Variants in TRIP11 observed in about 807,000 individuals in gnomAD.
TRIP11 encodes the protein thyroid hormone receptor interactor 11, also known as thyroid receptor-interacting protein 11.
Under a neutral mutation model 223.1 loss-of-function variants are expected in TRIP11, and 148 were observed. That is an observed-to-expected ratio of 0.66 (90% CI 0.58 to 0.76). The LOEUF (loss-of-function observed/expected upper bound fraction) is 0.76. Among genes scored for constraint, TRIP11 ranks in the 30% least tolerant of loss-of-function variants. The probability of loss-of-function intolerance (pLI) is 0.00; values close to 1 mark genes in which losing one functional copy is unlikely to be tolerated. For synonymous variants in TRIP11, 762 were observed against 772.6 expected (o/e 0.99, Z 0.23); for missense variants, 2,043 against 2,222.0 (o/e 0.92, Z 1.62).
At chr14:92,025,599 C>T (rs545342106) in intron 2 of TRIP11, among the ~76,000 whole-genome samples, 179 bp from the exon 3 acceptor site, 3 of 151,652 alleles carry the variant, frequency 2.0e-5, no homozygotes, top group Admixed American at 6.6e-5. Flanking sequence ...AATGCACTGA[C>T]CAGCCGGGCA....
intron 2 of TRIP11, chr14:92,026,889 C>G: frequency 2.0e-6 from 3 of 1,503,160 alleles, no homozygotes; most frequent in Non-Finnish European, 2.7e-6. Flanking sequence ...GATGACTAGA[C>G]AGCAAAAAAG....
chr14:92,039,457 G>A (rs1200643314), intron 1 of TRIP11, 90 bp downstream of exon 1: 2 of 1,433,362 alleles, frequency 1.4e-6, no homozygotes, highest in African/African-American at 1.4e-5. Flanking sequence ...TTTGCGACCT[G>A]TCCGCGTCTC....
chr14:91,973,888 G>C (rs1296265809), intron 19 of TRIP11, among the ~76,000 whole-genome samples: 1 of 152,094 alleles, frequency 6.6e-6, no homozygotes, highest in African/African-American at 2.4e-5. Context: ...AGCTGGGCGT[G>C]GTGGTGGTGG....
chr14:92,011,030 T>C lies in TRIP11; in HGVS notation c.1270A>G (p.Ile424Val), dbSNP rs779512020. The C allele has an allele frequency of 1.1e-5, 18 of 1,613,950 alleles. No individual in the cohort carries two copies. The East Asian group carries it at 4.0e-4, about 36-fold the overall frequency. The change falls in exon 9 of 21, where the codon ATC (isoleucine) becomes GTC (valine). Residue 424 changes from isoleucine to valine, a missense_variant. Physicochemically the swap from Ile to Val is conservative, Grantham distance 29 (BLOSUM62 3). Coordinates refer to ENST00000267622, the MANE Select transcript of TRIP11 (RefSeq NM_004239.4). ...GACTTCTCTTTTTCTAAAACTTCGA[T>C]ACGCATTTTAAGTTTCAGATTGTCT... ...AEDNLKLKMR[I>V]EVLEKEKSLL... is the part of the protein sequence containing the mutation.
At chr14:92,013,181 C>T (rs537448171) in intron 7 of TRIP11, among the ~76,000 whole-genome samples, 1 of 152,238 alleles carries the variant, frequency 6.6e-6, no homozygotes, top group Non-Finnish European at 1.5e-5. Context: ...GGAGGAGCAT[C>T]ACTTGAACCC....
At chr14:92,024,354 G>A (rs1177233460) in intron 3 of TRIP11, among the ~76,000 whole-genome samples, 1 of 145,470 alleles carries the variant, frequency 6.9e-6, no homozygotes, top group Non-Finnish European at 1.5e-5. Flanking sequence ...CTGGGCGACA[G>A]AGCAAGACTC....
chr14:91,970,510 A>G (rs1216312716), intron 20 of TRIP11, among the ~76,000 whole-genome samples: 5 of 152,198 alleles, frequency 3.3e-5, no homozygotes, highest in African/African-American at 9.7e-5. Flanking sequence ...AATCTGACTA[A>G]TGTTCACTCT....
chr14:92,031,646 C>A (rs10138217), intron 2 of TRIP11, among the ~76,000 whole-genome samples: 44,063 of 151,906 alleles, frequency 0.29, 6,846 homozygotes, highest in African/African-American at 0.41. Context: ...GGTAACTGAA[C>A]TTTGGAATCA....
Position 92,004,239 on chromosome 14 carries a change from A to C in TRIP11, c.3737T>G (p.Leu1246Arg), listed in dbSNP as rs1311471266. 4 of 1,614,142 alleles carry C rather than the reference A, an allele frequency of 2.5e-6. No homozygotes were observed. In the South Asian group the frequency reaches 3.3e-5, roughly 13 times the overall value. ...CAAAACCTGTGCTTGAAGTTGGTGA[A>C]GCTCTTCCTGAAGCTGGGCTGACTC... ...QHESAQLQEELHQLQAQVLVD... is the reference protein window; with the variant it reads ...QHESAQLQEERHQLQAQVLVD... The change falls in exon 11 of 21, where the codon CTT becomes CGT. Residue 1246 changes from leucine (L) to arginine (R), a missense_variant. Physicochemically the swap from Leu to Arg is moderately radical, Grantham distance 102. Coordinates refer to ENST00000267622, the MANE Select transcript of TRIP11 (RefSeq NM_004239.4).
chr14:91,988,849 C>G (rs1189670958), intron 15 of TRIP11, among the ~76,000 whole-genome samples: 1 of 152,040 alleles, frequency 6.6e-6, no homozygotes, highest in Non-Finnish European at 1.5e-5. Flanking sequence ...TGGATCTGTC[C>G]TTCTGTGAAA....
intron 12 of TRIP11, among the ~76,000 whole-genome samples, 158 bp downstream of exon 12, chr14:91,999,810 G>C (rs1595382856): frequency 6.6e-6 from 1 of 152,202 alleles, no homozygotes; most frequent in East Asian, 1.9e-4. Flanking sequence ...GAAATAAAAT[G>C]CACCATGGGA....
In TRIP11 at chr14:92,011,779, T is replaced by C; in HGVS notation, c.1203A>G (p.Ile401Met). The C allele has an allele frequency of 1.2e-6, 2 of 1,612,114 alleles. No homozygotes were observed. The highest frequency in any genetic ancestry group is 2.2e-5 in the East Asian group (1 of 44,728). ...QQALSDAENE[I>M]MRLSSLNQDN... ...CCTGGTTTAAACTACTCAATCTCATTATTTCATTTTCGGCATCTGTAAAAA... is the reference window on the plus strand; with the variant it reads ...CCTGGTTTAAACTACTCAATCTCATCATTTCATTTTCGGCATCTGTAAAAA... Residue 401 changes from isoleucine to methionine, a missense_variant, in exon 8 of 21, where the codon ATA becomes ATG. By Grantham distance (10) the Ile-to-Met change is conservative (BLOSUM62 1). Transcript: ENST00000267622.
intron 4 of TRIP11, among the ~76,000 whole-genome samples, chr14:92,018,683 G>A (rs918626907): frequency 6.6e-6 from 1 of 152,004 alleles, no homozygotes. Flanking sequence ...CCTAGGGCTG[G>A]GCACAGTGGC....
chr14:91,970,760 CTT>C (rs1033776864), intron 20 of TRIP11, among the ~76,000 whole-genome samples: 1 of 152,170 alleles, frequency 6.6e-6, no homozygotes, highest in African/African-American at 2.4e-5. Flanking sequence ...CATTACAGCT[CTT>C]GTTTTATACT....
chr14:92,004,884 T>G lies in TRIP11; in HGVS notation c.3092A>C (p.Glu1031Ala), dbSNP rs1399785882. Residue 1031 changes from glutamate (E) to alanine (A), a missense_variant, in exon 11 of 21, where the codon GAG (glutamate) becomes GCG (alanine). Transcript: ENST00000267622. ...LVKGIKEREL[E>A]IKLLNEKNIS... ...ATTCTTTTCATTTAGAAGTTTAATC[T>G]CCAGTTCTCGCTCTTTTATTCCTTT... The G allele has an allele frequency of 5.6e-6, 9 of 1,613,790 alleles. No individual in the cohort carries two copies. The African/African-American group carries it at 1.1e-4, about 19-fold the overall frequency.
At chr14:92,010,835 T>C in intron 9 of TRIP11, 151 bp downstream of exon 9, 1 of 791,610 alleles carries the variant, frequency 1.3e-6, no homozygotes, top group Non-Finnish European at 2.2e-6. Flanking sequence ...CCCAGGTACT[T>C]CCACCTAGCC....
At position 92,004,386 on chromosome 14, in the gene TRIP11, C is replaced by T. The variant is rs1321594147; in HGVS notation, c.3590G>A (p.Gly1197Glu). ...CTCAAATTGATTACTATTAACACCTCCAGCCTCATTACCAGTGCTGGATGT... is the reference window on the plus strand; with the variant it reads ...CTCAAATTGATTACTATTAACACCTTCAGCCTCATTACCAGTGCTGGATGT... ...LQTSSTGNEA[G>E]GVNSNQFEEL... is the part of the protein sequence containing the mutation. The change falls in exon 11 of 21, where the codon GGA becomes GAA. Residue 1197 changes from glycine to glutamate, a missense_variant. Physicochemically the swap from Gly to Glu is moderately conservative, Grantham distance 98 (BLOSUM62 -2). Coordinates refer to ENST00000267622, the MANE Select transcript of TRIP11 (RefSeq NM_004239.4). 1.2e-6 allele frequency: 2 copies of T among 1,614,050 alleles called. No individual in the cohort carries two copies. The highest frequency in any genetic ancestry group is 8.5e-7 in the Non-Finnish European group (1 of 1,180,024).
chr14:92,025,276 G>T, intron 3 of TRIP11, 34 bp downstream of exon 3: 1 of 1,436,280 alleles, frequency 7.0e-7, no homozygotes, highest in South Asian at 1.1e-5. Context: ...ACATTACAGT[G>T]AAGTACATAT....
At chr14:92,009,460 T>C (rs2056944667) in intron 9 of TRIP11, among the ~76,000 whole-genome samples, 1 of 151,966 alleles carries the variant, frequency 6.6e-6, no homozygotes, top group South Asian at 2.1e-4. Flanking sequence ...ACCAAACACA[T>C]CATGAAAAGG....
Sources: gnomAD v4.1 joint callset for allele counts (sites outside exome capture counted in the v4.1 genomes callset) on GRCh38, gnomAD v4.1.1 for gene constraint, MANE v1.5 for transcripts, NCBI Gene and HGNC (gene_info 2026-07-23, HGNC 2026-07-21) for gene names.